DGKI: variants seen among roughly 807,000 people sequenced by gnomAD.
The protein encoded by DGKI is diacylglycerol kinase iota, also known as DAG kinase iota.
In DGKI, 55 loss-of-function variants were observed where a neutral mutation model predicts 147.5. The ratio of observed to expected loss-of-function variants is 0.37; its 90% confidence interval spans 0.30 to 0.47. The LOEUF is 0.47. DGKI is among the 20% of genes least tolerant of loss of function. The pLI is 1.00. For missense variants in DGKI, 1,007 were observed against 1,323.8 expected (o/e 0.76, Z 3.71); for synonymous variants, 469 against 477.1 (o/e 0.98, Z 0.22).
intron 1 of DGKI, among the ~76,000 whole-genome samples, chr7:137,702,838 C>T (rs565439509): frequency 6.6e-6 from 1 of 152,324 alleles, no homozygotes; most frequent in East Asian, 1.9e-4. Flanking sequence ...AGCACTTTCA[C>T]CAGCGGCATT....
rs60494368 is a variant in DGKI, at chr7:137,422,595, C to CTTTTTTTTTTT, written c.2762-10399_2762-10389dup. 3.6e-3 allele frequency among the ~76,000 whole-genome samples: 221 copies of CTTTTTTTTTTT among 62,018 alleles called. 5 individuals are homozygous for CTTTTTTTTTTT. The highest frequency in any genetic ancestry group is 5.1e-3 in the African/African-American group (78 of 15,412). 40.7% of individuals were successfully genotyped at this position (62,018 alleles called of 152,430 possible). On this transcript the variant is annotated intron_variant, in intron 28 of 32. Transcript: ENST00000614521. ...TTGTAAAGCATTTTCTTTTTCTTTT[C>CTTTTTTTTTTT]TTTTTTTTTTTTTTTTTTTTTTTTT...
At chr7:137,693,944 G>T (rs548120917) in intron 1 of DGKI, among the ~76,000 whole-genome samples, 1 of 152,166 alleles carries the variant, frequency 6.6e-6, no homozygotes, top group Non-Finnish European at 1.5e-5. Flanking sequence ...TGCCACATTC[G>T]TAAAGGGCAT....
intron 28 of DGKI, among the ~76,000 whole-genome samples, chr7:137,428,656 T>C (rs77842776): frequency 0.54 from 81,773 of 151,276 alleles, 22,986 homozygotes; most frequent in Non-Finnish European, 0.63. Context: ...GAAAACCCCA[T>C]TGTCTCAGCC....
intron 1 of DGKI, among the ~76,000 whole-genome samples, chr7:137,838,161 C>T (rs926465642): frequency 6.6e-6 from 1 of 152,006 alleles, no homozygotes; most frequent in African/African-American, 2.4e-5. Context: ...CACCACCACA[C>T]CCAGGTAATT....
intron 21 of DGKI, among the ~76,000 whole-genome samples, chr7:137,518,763 A>T (rs1816864282): frequency 6.6e-6 from 1 of 152,158 alleles, no homozygotes; most frequent in Admixed American, 6.6e-5. Flanking sequence ...TCAGATTTTT[A>T]AAAAATATAT....
chr7:137,595,722 G>A (rs1050568009), intron 12 of DGKI, among the ~76,000 whole-genome samples: 4 of 152,054 alleles, frequency 2.6e-5, no homozygotes, highest in Non-Finnish European at 4.4e-5. Context: ...GAAGGAAAAC[G>A]GGCAGGCAGG....
chr7:137,533,566 C>T (rs1817414966), intron 20 of DGKI, among the ~76,000 whole-genome samples: 1 of 152,034 alleles, frequency 6.6e-6, no homozygotes, highest in Admixed American at 6.6e-5. Flanking sequence ...AGAGCTTTTA[C>T]TCAAGAAAAC....
intron 1 of DGKI, among the ~76,000 whole-genome samples, chr7:137,727,172 T>C (rs1363944109): frequency 6.6e-6 from 1 of 151,992 alleles, no homozygotes; most frequent in Non-Finnish European, 1.5e-5. Context: ...TAATCAGATA[T>C]CTAAAGTAAT....
Position 137,463,527 on chromosome 7 carries a change from G to T in DGKI, c.2697C>A (p.Asp899Glu). The stretch of plus-strand genomic sequence containing the variant: ...AGTGGCTGAGATCTTTCAGATCTGA[G>T]TCCTCATAATAGGGAGCTATCATCC... ...GLGMIAPYYE[D>E]SDLKDLSHSR... is the part of the protein sequence containing the mutation. The change falls in exon 27 of 33, where the codon GAC becomes GAA. Residue 899 changes from aspartate to glutamate, a missense_variant. This residue lies in a region of DGKI where 385 missense variants were observed against 445.2 expected (regional missense o/e 0.86). Transcript: ENST00000614521. The T allele has an allele frequency of 6.2e-7, 1 of 1,614,180 alleles. No homozygotes were observed. The highest frequency in any genetic ancestry group is 8.5e-7 in the Non-Finnish European group (1 of 1,180,028).
chr7:137,541,457 G>A (rs1215421548), intron 20 of DGKI, among the ~76,000 whole-genome samples: 1 of 152,138 alleles, frequency 6.6e-6, no homozygotes, highest in Non-Finnish European at 1.5e-5. Flanking sequence ...TGTATTGGAT[G>A]TTATAAGCAA....
At chr7:137,808,577 G>A (rs1333420698) in intron 1 of DGKI, among the ~76,000 whole-genome samples, 2 of 152,168 alleles carry the variant, frequency 1.3e-5, no homozygotes, top group Non-Finnish European at 2.9e-5. Flanking sequence ...AGCCCCCACT[G>A]TCCAGGCAGT....
chr7:137,794,065 G>T (rs191092032), intron 1 of DGKI, among the ~76,000 whole-genome samples: 4 of 152,272 alleles, frequency 2.6e-5, no homozygotes, highest in Non-Finnish European at 5.9e-5. Flanking sequence ...GAGCATCTAT[G>T]AAATCCAGTC....
intron 20 of DGKI, among the ~76,000 whole-genome samples, chr7:137,530,981 G>C (rs1203466709): frequency 6.6e-6 from 1 of 152,028 alleles, no homozygotes; most frequent in Non-Finnish European, 1.5e-5. Context: ...CCTGATATTG[G>C]TGAACTGGCA....
At chr7:137,619,794 G>T in intron 8 of DGKI, 30 bp downstream of exon 8, 1 of 1,548,424 alleles carries the variant, frequency 6.5e-7, no homozygotes, top group Non-Finnish European at 8.9e-7. Flanking sequence ...CTCTGCACTG[G>T]CCCAGCAGCA....
At chr7:137,495,021 T>C (rs1021412257) in intron 21 of DGKI, among the ~76,000 whole-genome samples, 1 of 151,784 alleles carries the variant, frequency 6.6e-6, no homozygotes, top group African/African-American at 2.4e-5. Context: ...AAAATAGACT[T>C]TAAACCATCA....
intron 1 of DGKI, among the ~76,000 whole-genome samples, chr7:137,732,845 C>T (rs1794922731): frequency 2.6e-5 from 4 of 151,750 alleles, no homozygotes; most frequent in Non-Finnish European, 4.4e-5. Flanking sequence ...ACATGCACCC[C>T]ACTACCACTT....
rs757464778 is a variant in DGKI, at chr7:137,846,441, C to A, written c.401+21G>T. 2 of 1,562,054 alleles carry A rather than the reference C, an allele frequency of 1.3e-6. No homozygotes were observed. The highest frequency in any genetic ancestry group is 3.4e-5 in the Admixed American group (2 of 58,202). On this transcript the variant is annotated intron_variant, in intron 1 of 32. Transcript: ENST00000614521. This position sits in a 1 kb window ranked among gnomAD's most constrained non-coding sequence, Gnocchi z 4.0. ...TCCCGCCGCGGCGCACCTGTCTCGG[C>A]TGCCGGCTCCCCGCACCTACCTGTA...
chr7:137,684,496 A>G (rs2116425389), intron 2 of DGKI, among the ~76,000 whole-genome samples: 1 of 152,342 alleles, frequency 6.6e-6, no homozygotes, highest in Admixed American at 6.5e-5. Context: ...TGTTTAGATA[A>G]TCACTTGCCT....
chr7:137,530,370 G>T (rs1418816470), intron 20 of DGKI, among the ~76,000 whole-genome samples: 2 of 152,024 alleles, frequency 1.3e-5, no homozygotes, highest in Non-Finnish European at 2.9e-5. Flanking sequence ...TTTCAAATAC[G>T]TATGCTTCTT....
Sources: allele counts gnomAD v4.1 joint callset (sites outside exome capture counted in the v4.1 genomes callset), GRCh38; gene constraint gnomAD v4.1.1; regional missense constraint gnomAD v4.1.1; non-coding constraint Gnocchi (gnomAD v3.1); transcripts MANE v1.5; gene names NCBI Gene and HGNC (gene_info 2026-07-23, HGNC 2026-07-21).